HPS5: variants seen among roughly 807,000 people sequenced by gnomAD.
HPS5 encodes HPS5 biogenesis of lysosomal organelles complex 2 subunit 2.
A neutral mutation model predicts 128.0 loss-of-function variants in HPS5; 83 were observed. The ratio of observed to expected loss-of-function variants is 0.65; its 90% CI spans 0.54 to 0.78. The LOEUF (loss-of-function observed/expected upper bound fraction) is 0.78, where lower values mean the gene tolerates loss of function less well. Ranked by LOEUF, HPS5 falls within the 30% of genes least tolerant of loss-of-function variation. The pLI, the probability that HPS5 is intolerant of heterozygous loss-of-function variation, is 0.00. For synonymous variants in HPS5, 475 were observed against 470.2 expected, an observed-to-expected ratio of 1.01 and a Z score of -0.13; for missense variants, 1,281 against 1,326.2, an observed-to-expected ratio of 0.97 and a Z score of 0.53.
chr11:18,286,526 A>T, intron 19 of HPS5, 65 bp downstream of exon 19: 1 of 1,492,630 alleles, frequency 6.7e-7, no homozygotes, highest in East Asian at 2.3e-5. Context: ...TAGGCGACAG[A>T]GTGAGATCCT....
chr11:18,298,278 G>C (rs1318575568), intron 10 of HPS5, among the ~76,000 whole-genome samples: 1 of 151,788 alleles, frequency 6.6e-6, no homozygotes, highest in Non-Finnish European at 1.5e-5. Context: ...GATCACTTGA[G>C]GTCAGGAGTT....
Position 18,288,263 on chromosome 11 carries a change from A to G in HPS5, c.2441-250T>C, listed in dbSNP as rs544763713. Among the ~76,000 whole-genome samples, 4 of 152,346 alleles carry G rather than the reference A, an allele frequency of 2.6e-5. No homozygotes were observed. In the East Asian group the frequency reaches 5.8e-4, roughly 22 times the overall value. ...AGTTTTAAATAAGACGAAGGAACATATAATTAATACATCAGTGACTATTAC... is the reference window on the plus strand; with the variant it reads ...AGTTTTAAATAAGACGAAGGAACATGTAATTAATACATCAGTGACTATTAC... On this transcript the variant is annotated intron_variant, in intron 16 of 22. Coordinates refer to ENST00000349215, the MANE Select transcript of HPS5 (RefSeq NM_181507.2).
At chr11:18,311,511 A>ATTATTTTTT (rs1554944989) in intron 3 of HPS5, 60 bp from the exon 4 acceptor site, 11 of 531,922 alleles carry the variant, frequency 2.1e-5, no homozygotes, top group Non-Finnish European at 2.3e-5. Flanking sequence ...TATTATTATT[A>ATTATTTTTT]TTTTTTTTTT....
chr11:18,321,507 A>C (rs1864345762), intron 1 of HPS5, among the ~76,000 whole-genome samples: 1 of 152,260 alleles, frequency 6.6e-6, no homozygotes, highest in Non-Finnish European at 1.5e-5. Context: ...TGGCTTGCCC[A>C]AGGATCACAG....
chr11:18,320,945 T>G (rs1048179922), intron 1 of HPS5, among the ~76,000 whole-genome samples: 20 of 152,226 alleles, frequency 1.3e-4, no homozygotes. Context: ...TCTTAGCCAG[T>G]AGCTACATAC....
intron 1 of HPS5, among the ~76,000 whole-genome samples, chr11:18,318,356 C>G (rs1029449132): frequency 6.6e-6 from 1 of 152,180 alleles, no homozygotes; most frequent in East Asian, 1.9e-4. Flanking sequence ...TATCAGCTAA[C>G]AATTTAACAG....
At chr11:18,301,705 C>T (rs546630989) in intron 8 of HPS5, among the ~76,000 whole-genome samples, 126 of 152,156 alleles carry the variant, frequency 8.3e-4, no homozygotes, top group African/African-American at 2.8e-3. Flanking sequence ...TCCTGCTCAA[C>T]GATGTGCCAG....
In HPS5 at chr11:18,287,510, T is replaced by C. The variant is rs185322968; in HGVS notation, c.2717+25A>G. ...AATGCCCTGTCAAAAGAAAGGAGAG[T>C]CTGCAAATATGCTCTCCTTCTCACC... is the stretch of plus-strand genomic sequence containing the variant. On this transcript the variant is annotated intron_variant, in intron 18 of 22. Coordinates refer to ENST00000349215, the MANE Select transcript of HPS5 (RefSeq NM_181507.2). The C allele has an allele frequency of 1.8e-4, 286 of 1,611,866 alleles. No homozygotes were observed. In the African/African-American group the frequency reaches 3.5e-3, roughly 20 times the overall value.
intron 20 of HPS5, 134 bp downstream of exon 20, chr11:18,285,212 A>G (rs1859552682): frequency 5.0e-6 from 3 of 596,264 alleles, no homozygotes; most frequent in Non-Finnish European, 8.8e-6. Flanking sequence ...CTATCACTTA[A>G]AACAAAAAGG....
intron 16 of HPS5, among the ~76,000 whole-genome samples, chr11:18,290,751 C>A (rs1474707933): frequency 6.6e-6 from 1 of 151,950 alleles, no homozygotes; most frequent in Non-Finnish European, 1.5e-5. Context: ...AGTAAGACCC[C>A]ATCTCTATAA....
chr11:18,285,770 G>A (rs1324740230), intron 19 of HPS5, among the ~76,000 whole-genome samples: 1 of 152,118 alleles, frequency 6.6e-6, no homozygotes, highest in Non-Finnish European at 1.5e-5. Flanking sequence ...ATATAAGACA[G>A]GCATTTGGGG....
chr11:18,302,951 C>T (rs757850188), intron 8 of HPS5, among the ~76,000 whole-genome samples: 3 of 150,752 alleles, frequency 2.0e-5, no homozygotes, highest in African/African-American at 7.3e-5. Flanking sequence ...GGGCTGAGGA[C>T]GGGAACTTAG....
rs766751200 is a variant in HPS5 at position 18,282,029 on chromosome 11, C to T, written c.3250G>A (p.Glu1084Lys). 1 of 1,614,216 alleles carries T rather than the reference C, an allele frequency of 6.2e-7. No homozygotes were observed. The highest frequency in any genetic ancestry group is 1.1e-5 in the South Asian group (1 of 91,088). Residue 1084 changes from glutamate to lysine, a missense_variant, in exon 22 of 23, where the codon GAA (glutamate) becomes AAA (lysine). Glu to Lys is a moderately conservative substitution (Grantham distance 56, BLOSUM62 1). Transcript: ENST00000349215. ...GPDRAWSLLQ[E>K]CGLALELSEK... is the part of the protein sequence containing the mutation. ...GACAACTCAAGGGCCAGACCACATT[C>T]CTGTAGCAGTGACCAAGCCCGATCT...
At position 18,297,506 on chromosome 11, in the gene HPS5, C is replaced by T. The variant is rs1034078963; in HGVS notation, c.1323+53G>A. Reference sequence around the variant, plus strand: ...GATCCTAGAGGTAAATAAGAACAACCGAAGATGGAAAAATCTTACCCTACA... The same window carrying T: ...GATCCTAGAGGTAAATAAGAACAACTGAAGATGGAAAAATCTTACCCTACA... On this transcript the variant is annotated intron_variant, in intron 11 of 22. Transcript: ENST00000349215. The T allele has an allele frequency of 2.8e-5, 44 of 1,550,116 alleles. No homozygotes were observed. The Middle Eastern group carries it at 8.9e-4, about 31-fold the overall frequency.
chr11:18,305,247 G>C (rs968377678), intron 8 of HPS5, among the ~76,000 whole-genome samples, 175 bp downstream of exon 8: 1 of 152,148 alleles, frequency 6.6e-6, no homozygotes, highest in Admixed American at 6.5e-5. Flanking sequence ...TGTATTTCTA[G>C]GATCTTTCCA....
intron 1 of HPS5, among the ~76,000 whole-genome samples, chr11:18,319,315 G>A (rs59150578): frequency 0.65 from 96,977 of 149,080 alleles, 32,277 homozygotes; most frequent in East Asian, 0.96. Flanking sequence ...GGAAACATAA[G>A]CAAACTGCTT....
At chr11:18,305,528 T>C (rs751732028) in intron 7 of HPS5, 35 bp from the exon 8 acceptor site, 2 of 1,468,626 alleles carry the variant, frequency 1.4e-6, no homozygotes, top group Non-Finnish European at 1.9e-6. Flanking sequence ...TGAGTTTATC[T>C]GTTAAAAGTA....
chr11:18,291,276 G>A (rs1860370777), intron 16 of HPS5, among the ~76,000 whole-genome samples, 166 bp downstream of exon 16: 1 of 152,072 alleles, frequency 6.6e-6, no homozygotes, highest in Admixed American at 6.6e-5. Context: ...TTTAACCAAT[G>A]TCTGAAAGAA....
At chr11:18,318,983 T>G (rs962647579) in intron 1 of HPS5, among the ~76,000 whole-genome samples, 1 of 152,042 alleles carries the variant, frequency 6.6e-6, no homozygotes, top group East Asian at 1.9e-4. Context: ...AACACAATCT[T>G]ATTTTCTGCT....
Sources: allele counts gnomAD v4.1 joint callset (sites outside exome capture counted in the v4.1 genomes callset), GRCh38; gene constraint gnomAD v4.1.1; transcripts MANE v1.5; gene names NCBI Gene and HGNC (gene_info 2026-07-23, HGNC 2026-07-21).